Variants in NDUFV2 observed in about 807,000 individuals in gnomAD.
NDUFV2 encodes the protein NADH:ubiquinone oxidoreductase core subunit V2, also known as NADH dehydrogenase [ubiquinone] flavoprotein 2, mitochondrial.
A neutral mutation model predicts 31.6 loss-of-function variants in NDUFV2; 18 were observed. The observed-to-expected ratio is 0.57, with a 90% CI of 0.39 to 0.84. The LOEUF (loss-of-function observed/expected upper bound fraction) is 0.84. NDUFV2 is among the 40% of genes least tolerant of loss of function. NDUFV2 has a pLI of 0.00. For missense variants in NDUFV2, 314 were observed against 303.6 expected (o/e 1.03, Z -0.26); for synonymous variants, 83 against 99.8 (o/e 0.83, Z 1.01).
rs1457912828 is a variant in NDUFV2 at position 9,124,941 on chromosome 18, C to G, written c.537C>G (p.Ala179=). The change falls in exon 6 of 8, where the codon GCC becomes GCG. Residue 179 remains alanine (A), a synonymous_variant. Transcript: ENST00000318388. ...FTLIEVECLG[A]CVNAPMVQIN... is the part of the protein sequence containing the mutation. Reference sequence around the variant, plus strand: ...TTATAGAAGTGGAATGTTTAGGGGCCTGTGTGAACGCACCAATGGTTCAAA... The same window carrying G: ...TTATAGAAGTGGAATGTTTAGGGGCGTGTGTGAACGCACCAATGGTTCAAA... The G allele has an allele frequency of 5.0e-6, 8 of 1,613,284 alleles. No individual in the cohort carries two copies. Among genetic ancestry groups the G allele is most frequent in the Non-Finnish European group, 6.8e-6 (8 of 1,179,696 alleles).
intron 1 of NDUFV2, 182 bp from the exon 2 acceptor site, chr18:9,117,656 T>C (rs1269556494): frequency 9.1e-6 from 5 of 546,826 alleles, no homozygotes; most frequent in African/African-American, 3.8e-5. Context: ...AATCTTGGCT[T>C]TGAATCTCCA....
intron 6 of NDUFV2, 139 bp downstream of exon 6, chr18:9,125,122 T>A: frequency 2.1e-6 from 2 of 945,190 alleles, no homozygotes; most frequent in Non-Finnish European, 3.1e-6. Context: ...ATCCAGGTTT[T>A]AAAAAATTCT....
chr18:9,117,977 A>G (rs2077907708), intron 2 of NDUFV2, 74 bp downstream of exon 2: 1 of 944,780 alleles, frequency 1.1e-6, no homozygotes, highest in Non-Finnish European at 1.7e-6. Flanking sequence ...AAAATCCAAA[A>G]TATCTTAAAT....
chr18:9,118,897 G>A (rs1191874902), intron 2 of NDUFV2, among the ~76,000 whole-genome samples: 1 of 136,018 alleles, frequency 7.4e-6, no homozygotes, highest in Admixed American at 8.1e-5. Flanking sequence ...TTGGATCCCA[G>A]ATCCCTTTGA....
chr18:9,119,403 A>G lies in NDUFV2; in HGVS notation c.183+15A>G. ...AAAACTATAAGGTATGGCTAAATTA[A>G]CATTATAATTAATTTACCAAATAGG... On this transcript the variant is annotated intron_variant, in intron 3 of 7. Transcript: ENST00000318388. The G allele has an allele frequency of 6.2e-7, 1 of 1,605,414 alleles. No individual in the cohort carries two copies. The highest frequency in any genetic ancestry group is 8.5e-7 in the Non-Finnish European group (1 of 1,172,260).
intron 1 of NDUFV2, chr18:9,105,025 A>G: frequency 2.0e-6 from 3 of 1,481,060 alleles, no homozygotes; most frequent in East Asian, 2.4e-5. Context: ...TGTATTCTGA[A>G]CAGCTTTCCT....
At chr18:9,124,838 T>G in intron 5 of NDUFV2, 36 bp from the exon 6 acceptor site, 3 of 1,572,338 alleles carry the variant, frequency 1.9e-6, no homozygotes, top group Non-Finnish European at 2.6e-6. Context: ...TATTAAAATA[T>G]AACCTGGTCC....
At chr18:9,120,461 A>C (rs2077926617) in intron 4 of NDUFV2, among the ~76,000 whole-genome samples, 2 of 152,180 alleles carry the variant, frequency 1.3e-5, no homozygotes, top group South Asian at 4.1e-4. Flanking sequence ...AAATCAGTGC[A>C]TTTTCTACTT....
chr18:9,103,158 C>T (rs1033904047), intron 1 of NDUFV2: 3 of 400,908 alleles, frequency 7.5e-6, no homozygotes, highest in Admixed American at 4.4e-5. Context: ...AGGCACCTCT[C>T]GTTTCAAGCC....
At chr18:9,128,178 A>G (rs1222241591) in intron 7 of NDUFV2, among the ~76,000 whole-genome samples, 5 of 152,184 alleles carry the variant, frequency 3.3e-5, no homozygotes, top group African/African-American at 1.2e-4. Context: ...TTTGATGTCC[A>G]TACGGTATTC....
intron 7 of NDUFV2, among the ~76,000 whole-genome samples, chr18:9,129,661 C>T (rs1230120806): frequency 6.6e-6 from 1 of 152,020 alleles, no homozygotes; most frequent in Non-Finnish European, 1.5e-5. Context: ...ATGTAAAGAG[C>T]TGAAGGAACA....
intron 1 of NDUFV2, among the ~76,000 whole-genome samples, chr18:9,105,735 TATC>T (rs1221679935): frequency 6.6e-6 from 1 of 152,190 alleles, no homozygotes; most frequent in African/African-American, 2.4e-5. Context: ...GCTGAATACT[TATC>T]ATTTTCATAC....
At chr18:9,103,195 A>C in intron 1 of NDUFV2, 1 of 399,982 alleles carries the variant, frequency 2.5e-6, no homozygotes, top group Non-Finnish European at 4.4e-6. Context: ...TTTAGGTTGC[A>C]GCATACTGGA....
Position 9,114,888 on chromosome 18 carries a change from A to G in NDUFV2, c.55-2950A>G, listed in dbSNP as rs1036116981. Among the ~76,000 whole-genome samples the G allele has an allele frequency of 3.9e-5, 6 of 152,398 alleles. No individual in the cohort carries two copies. In the South Asian group the frequency reaches 1.2e-3, roughly 32 times the overall value. ...AATAGATTTTCCAATATGTAGCAACATAAGCCTAAAGAATAATTTTCAAGA... is the reference window on the plus strand; with the variant it reads ...AATAGATTTTCCAATATGTAGCAACGTAAGCCTAAAGAATAATTTTCAAGA... On this transcript the variant is annotated intron_variant, in intron 1 of 7. Coordinates refer to ENST00000318388, the MANE Select transcript of NDUFV2 (RefSeq NM_021074.5).
intron 4 of NDUFV2, among the ~76,000 whole-genome samples, chr18:9,120,576 A>T (rs1237337916): frequency 1.3e-5 from 2 of 152,226 alleles, no homozygotes; most frequent in African/African-American, 4.8e-5. Context: ...AGAGAATAGG[A>T]ATGTCCTCAA....
chr18:9,126,140 G>A (rs1396173182), intron 6 of NDUFV2, among the ~76,000 whole-genome samples: 1 of 152,206 alleles, frequency 6.6e-6, no homozygotes, highest in African/African-American at 2.4e-5. Flanking sequence ...GCATTGTTAA[G>A]TCTAAATATA....
chr18:9,131,747 G>A (rs1438453527), intron 7 of NDUFV2, among the ~76,000 whole-genome samples: 1 of 152,080 alleles, frequency 6.6e-6, no homozygotes, highest in Admixed American at 6.6e-5. Context: ...TACGTATAGT[G>A]TTGGAATGAC....
Position 9,119,489 on chromosome 18 carries a change from G to A in NDUFV2, c.199G>A (p.Val67Ile), listed in dbSNP as rs1052026719. ...PENYKRIEAI[V>I]KNYPEGHKAA... is the part of the protein sequence containing the mutation. ...TTTTATACAGAGGATAGAGGCAATT[G>A]TAAAAAACTATCCAGAAGGCCATAA... The change falls in exon 4 of 8, where the codon GTA (valine) becomes ATA (isoleucine). Residue 67 changes from valine (V) to isoleucine (I), a missense_variant. Coordinates refer to ENST00000318388, the MANE Select transcript of NDUFV2 (RefSeq NM_021074.5). 1 of 1,613,496 alleles carries A rather than the reference G, an allele frequency of 6.2e-7. No individual in the cohort carries two copies. The highest frequency in any genetic ancestry group is 1.3e-5 in the African/African-American group (1 of 74,928).
chr18:9,103,457 G>C, intron 1 of NDUFV2: 1 of 259,270 alleles, frequency 3.9e-6, no homozygotes, highest in Non-Finnish European at 7.2e-6. Flanking sequence ...TTGAATTGCA[G>C]AGAAGTTGAA....
Sources: gnomAD v4.1 joint callset for allele counts (sites outside exome capture counted in the v4.1 genomes callset) on GRCh38, gnomAD v4.1.1 for gene constraint, MANE v1.5 for transcripts, NCBI Gene and HGNC (gene_info 2026-07-23, HGNC 2026-07-21) for gene names.